ROBO1: variants seen among roughly 807,000 people sequenced by gnomAD.
ROBO1 encodes roundabout guidance receptor 1.
A neutral mutation model predicts 195.9 loss-of-function variants in ROBO1; 149 were observed. That is an observed-to-expected ratio of 0.76 (90% CI 0.67 to 0.87). ROBO1 has a LOEUF of 0.87. ROBO1 is among the 40% of genes least tolerant of loss of function. The pLI is 0.00. For synonymous variants in ROBO1, 816 were observed against 733.2 expected, an observed-to-expected ratio of 1.11 and a Z score of -1.82; for missense variants, 1,933 against 2,068.3, an observed-to-expected ratio of 0.93 and a Z score of 1.27.
chr3:78,921,615 T>C (rs896656070), intron 4 of ROBO1, among the ~76,000 whole-genome samples: 1 of 152,156 alleles, frequency 6.6e-6, no homozygotes, highest in Non-Finnish European at 1.5e-5. Context: ...TTTTCAAAAG[T>C]TTTTGAGTAA....
chr3:79,687,728 T>C (rs1947170508), intron 1 of ROBO1, among the ~76,000 whole-genome samples: 2 of 152,144 alleles, frequency 1.3e-5, no homozygotes, highest in South Asian at 4.1e-4. Flanking sequence ...CAACAGGTGC[T>C]GGAGAGGATG....
intron 2 of ROBO1, among the ~76,000 whole-genome samples, chr3:79,254,379 G>T (rs1450996685): frequency 2.0e-5 from 3 of 151,788 alleles, no homozygotes; most frequent in Non-Finnish European, 4.4e-5. Context: ...AGTGTTTTGG[G>T]TACTTCTCAA....
At chr3:79,509,238 C>G (rs1419462336) in intron 2 of ROBO1, among the ~76,000 whole-genome samples, 1 of 151,456 alleles carries the variant, frequency 6.6e-6, no homozygotes, top group Non-Finnish European at 1.5e-5. Context: ...GCTGGTTCTA[C>G]TTTATTATTT....
chr3:78,759,652 G>A (rs373738399), intron 4 of ROBO1, among the ~76,000 whole-genome samples: 1 of 151,994 alleles, frequency 6.6e-6, no homozygotes, highest in East Asian at 1.9e-4. Flanking sequence ...AATTCCCACC[G>A]AATTTTATCC....
At chr3:79,027,954 T>C (rs28558619) in intron 3 of ROBO1, among the ~76,000 whole-genome samples, 2 of 152,028 alleles carry the variant, frequency 1.3e-5, no homozygotes, top group African/African-American at 4.8e-5. Context: ...ATACCGAAAT[T>C]ATTCTATTTA....
chr3:79,698,017 T>C (rs563369452), intron 1 of ROBO1, among the ~76,000 whole-genome samples: 2 of 151,648 alleles, frequency 1.3e-5, no homozygotes, highest in East Asian at 3.9e-4. Flanking sequence ...AAAAATGTTC[T>C]AAAAATGTTT....
At chr3:79,676,584 G>T (rs74846222) in intron 1 of ROBO1, among the ~76,000 whole-genome samples, 3,294 of 152,158 alleles carry the variant, frequency 0.022, 60 homozygotes, top group Non-Finnish European at 0.035. Flanking sequence ...TTGTTAGGTT[G>T]CTCCTACAAA....
At chr3:78,792,675 T>G (rs1237370298) in intron 4 of ROBO1, among the ~76,000 whole-genome samples, 1 of 152,236 alleles carries the variant, frequency 6.6e-6, no homozygotes, top group Non-Finnish European at 1.5e-5. Flanking sequence ...TTATATCAAT[T>G]AAAACAAATT....
intron 2 of ROBO1, among the ~76,000 whole-genome samples, chr3:79,557,535 G>T (rs1042287499): frequency 6.6e-6 from 1 of 151,454 alleles, no homozygotes; most frequent in African/African-American, 2.4e-5. Flanking sequence ...GGAGTTTGAG[G>T]TCAGCCTGGC....
At chr3:78,852,586 T>C (rs773956470) in intron 4 of ROBO1, among the ~76,000 whole-genome samples, 5 of 152,208 alleles carry the variant, frequency 3.3e-5, no homozygotes, top group Non-Finnish European at 5.9e-5. Flanking sequence ...TCCTTTGTCC[T>C]CAATATTTTA....
chr3:78,944,857 G>C (rs548944205), intron 3 of ROBO1, among the ~76,000 whole-genome samples: 13 of 152,292 alleles, frequency 8.5e-5, no homozygotes, highest in African/African-American at 2.6e-4. Flanking sequence ...GGCACACCAG[G>C]AGATTATATC....
At chr3:79,720,277 C>G (rs1306316938) in intron 1 of ROBO1, among the ~76,000 whole-genome samples, 1 of 152,124 alleles carries the variant, frequency 6.6e-6, no homozygotes, top group Non-Finnish European at 1.5e-5. Flanking sequence ...CTTATAGGAA[C>G]TCAGGCACAA....
chr3:78,604,387 C>G (rs1225173454), intron 29 of ROBO1, among the ~76,000 whole-genome samples: 2 of 152,132 alleles, frequency 1.3e-5, no homozygotes, highest in African/African-American at 2.4e-5. Context: ...ATGAAGCCTT[C>G]TTATAAGCAG....
chr3:79,430,546 T>A (rs987882765), intron 2 of ROBO1, among the ~76,000 whole-genome samples: 1 of 152,136 alleles, frequency 6.6e-6, no homozygotes, highest in African/African-American at 2.4e-5. Flanking sequence ...GCTGAAGTGC[T>A]AATTGGGAAC....
At chr3:79,632,623 ATT>A (rs151018889) in intron 1 of ROBO1, among the ~76,000 whole-genome samples, 1 of 152,180 alleles carries the variant, frequency 6.6e-6, no homozygotes, top group Non-Finnish European at 1.5e-5. Context: ...CCCTGAATCT[ATT>A]TTTGAAAAAT....
intron 2 of ROBO1, among the ~76,000 whole-genome samples, chr3:79,551,910 A>G (rs11917607): frequency 0.011 from 1,505 of 140,518 alleles, 12 homozygotes; most frequent in Non-Finnish European, 0.016. Flanking sequence ...CTTTTTTTGC[A>G]CTTTAAGGAT....
intron 2 of ROBO1, among the ~76,000 whole-genome samples, chr3:79,518,628 G>A (rs981831311): frequency 2.6e-5 from 4 of 151,974 alleles, no homozygotes; most frequent in African/African-American, 9.7e-5. Flanking sequence ...AAAATGTAAA[G>A]CTTTTTCTAT....
At chr3:79,680,499 A>G (rs1946912528) in intron 1 of ROBO1, among the ~76,000 whole-genome samples, 1 of 152,034 alleles carries the variant, frequency 6.6e-6, no homozygotes, top group Non-Finnish European at 1.5e-5. Flanking sequence ...AATGGAACTG[A>G]AAAGTGAGGT....
intron 3 of ROBO1, among the ~76,000 whole-genome samples, chr3:78,957,379 A>G (rs2041103327): frequency 6.6e-6 from 1 of 150,988 alleles, no homozygotes; most frequent in Non-Finnish European, 1.5e-5. Flanking sequence ...TCTTCTAGTT[A>G]TTAAAGTTTC....
Sources: gnomAD v4.1 joint callset for allele counts (sites outside exome capture counted in the v4.1 genomes callset) on GRCh38, gnomAD v4.1.1 for gene constraint, MANE v1.5 for transcripts, NCBI Gene and HGNC (gene_info 2026-07-23, HGNC 2026-07-21) for gene names.